The following ESRRB variants were observed in gnomAD, a reference collection of about 807,000 sequenced individuals.
The protein encoded by ESRRB is estrogen related receptor beta.
ESRRB carries 16 observed loss-of-function variants against 46.0 expected under a neutral mutation model. That is an observed-to-expected ratio of 0.35 (90% CI 0.24 to 0.53). The LOEUF is 0.53. Ranked by LOEUF, ESRRB falls within the 20% of genes least tolerant of loss-of-function variation. ESRRB has a pLI of 0.93. For synonymous variants in ESRRB, 246 were observed against 259.6 expected, an observed-to-expected ratio of 0.95 and a Z score of 0.50; for missense variants, 488 against 607.4, an observed-to-expected ratio of 0.80 and a Z score of 2.07.
At chr14:76,395,172 T>C (rs567518311) in intron 1 of ESRRB, among the ~76,000 whole-genome samples, 5 of 152,340 alleles carry the variant, frequency 3.3e-5, no homozygotes, top group African/African-American at 1.2e-4. Context: ...TTAAGCCATG[T>C]GCACTATCTG....
intron 1 of ESRRB, among the ~76,000 whole-genome samples, chr14:76,321,695 G>A (rs1883868993): frequency 1.3e-5 from 2 of 152,068 alleles, no homozygotes. Context: ...TTTTTTGAGA[G>A]CCTGTTCTGT....
chr14:76,372,498 T>C (rs1884648748), upstream of ESRRB, among the ~76,000 whole-genome samples: 2 of 152,134 alleles, frequency 1.3e-5, no homozygotes, highest in Admixed American at 1.3e-4. Context: ...GTCATCATTT[T>C]TCTTAGGGAA....
In ESRRB at chr14:76,376,170, C is replaced by T. The variant is rs1884756148; in HGVS notation, c.-232C>T. On this transcript the variant is annotated 5_prime_UTR_variant, in exon 1 of 7. Transcript: ENST00000644823. The surrounding 1 kb of genome is among the most constrained non-coding windows in gnomAD (Gnocchi z 4.1). ...TGTGCCCCAGCCTCCTCCACGGCTT[C>T]GCATCCCCTCTGCCCGCTCTCTCCG... 5.1e-6 allele frequency: 2 copies of T among 389,646 alleles called. No individual in the cohort carries two copies. The highest frequency in any genetic ancestry group is 1.4e-4 in the South Asian group (1 of 6,916). 24.1% of individuals were successfully genotyped at this position (389,646 alleles called of 1,614,324 possible).
chr14:76,397,813 G>T (rs146145146), intron 1 of ESRRB, among the ~76,000 whole-genome samples: 1 of 152,174 alleles, frequency 6.6e-6, no homozygotes, highest in Non-Finnish European at 1.5e-5. Flanking sequence ...ATAACCTCGA[G>T]GTTTGATACT....
chr14:76,418,151 C>T (rs970179873), intron 1 of ESRRB, among the ~76,000 whole-genome samples: 1 of 151,982 alleles, frequency 6.6e-6, no homozygotes, highest in Non-Finnish European at 1.5e-5. Context: ...GACAGGGTTT[C>T]ACCATGTTTG....
intron 1 of ESRRB, among the ~76,000 whole-genome samples, chr14:76,386,404 T>C (rs980186545): frequency 6.6e-6 from 1 of 152,166 alleles, no homozygotes; most frequent in Non-Finnish European, 1.5e-5. Flanking sequence ...TCTTATTTTT[T>C]TTCTGCTTTT....
At chr14:76,341,150 G>A (rs1198252066) in intron 1 of ESRRB, among the ~76,000 whole-genome samples, 1 of 152,176 alleles carries the variant, frequency 6.6e-6, no homozygotes, top group Admixed American at 6.5e-5. Flanking sequence ...TTCATGGACT[G>A]AGTCTCCTCC....
rs566408439 is a variant in ESRRB at position 76,354,235 on chromosome 14, C to CCCCA, written c.2+43319_2+43320insCCCA. On this transcript the variant is annotated intron_variant, in intron 1 of 6. Coordinates refer to the ESRRB transcript ENST00000512784. ...AGGGTCCTCTACCCGCCCCCCCCCC[C>CCCCA]ACCCACACTTCCACCCTCACCTCTC... 8.1e-5 allele frequency among the ~76,000 whole-genome samples: 7 copies of CCCCA among 86,028 alleles called. 1 individual carries two copies. The East Asian group carries it at 4.4e-3, about 54-fold the overall frequency. The allele number at this position is 86,028 out of a possible 152,430, so 56.4% of individuals were successfully genotyped here.
At chr14:76,448,615 C>T (rs767340305) in intron 2 of ESRRB, among the ~76,000 whole-genome samples, 2 of 151,924 alleles carry the variant, frequency 1.3e-5, no homozygotes, top group African/African-American at 2.4e-5. Flanking sequence ...GGATTACAGA[C>T]GTGAGCCACC....
chr14:76,429,249 G>A (rs571502752), intron 1 of ESRRB, among the ~76,000 whole-genome samples: 2 of 152,274 alleles, frequency 1.3e-5, no homozygotes, highest in South Asian at 2.1e-4. Context: ...GTAAGTTTGA[G>A]CAAGTCATTA....
upstream of ESRRB, among the ~76,000 whole-genome samples, chr14:76,370,225 T>TAAAAA (rs35273827): frequency 2.1e-5 from 3 of 140,162 alleles, no homozygotes; most frequent in African/African-American, 8.0e-5. Flanking sequence ...CCATCCCTGC[T>TAAAAA]AAAAAAAAAA....
At chr14:76,393,876 C>T (rs1263915481) in intron 1 of ESRRB, among the ~76,000 whole-genome samples, 1 of 152,096 alleles carries the variant, frequency 6.6e-6, no homozygotes, top group Non-Finnish European at 1.5e-5. Flanking sequence ...GCTCAGCACA[C>T]TGCAAACTTC....
chr14:76,439,103 C>T (rs1320316055), intron 1 of ESRRB, among the ~76,000 whole-genome samples: 5 of 152,164 alleles, frequency 3.3e-5, no homozygotes, highest in African/African-American at 7.2e-5. Context: ...ACACCTGGTC[C>T]GCTGAAGTTT....
rs72731655 is a variant in ESRRB at position 76,435,934 on chromosome 14, G to A, written c.51-3407G>A. Among the ~76,000 whole-genome samples, 664 of 152,244 alleles carry A rather than the reference G, an allele frequency of 4.4e-3. 1 individual carries two copies. Among genetic ancestry groups the A allele is most frequent in the Middle Eastern group, 0.017 (5 of 294 alleles). The stretch of plus-strand genomic sequence containing the variant: ...GGGACTCAGGCTCTAAATTAATAGC[G>A]GGCTTCCTGTACCAACCCTGATAGT... On this transcript the variant is annotated intron_variant, in intron 1 of 6. Coordinates refer to ENST00000644823, the MANE Select transcript of ESRRB (RefSeq NM_001379180.1).
chr14:76,332,720 TA>T lies in ESRRB; in HGVS notation c.2+21805del, dbSNP rs1310819923. Among the ~76,000 whole-genome samples the T allele has an allele frequency of 2.3e-3, 53 of 23,060 alleles. 1 individual carries two copies. The highest frequency in any genetic ancestry group is 0.012 in the African/African-American group (53 of 4,522). The allele number at this position is 23,060 out of a possible 152,430, so 15.1% of individuals were successfully genotyped here. A position where few individuals can be genotyped will look rare whatever the true frequency, so the allele number is the denominator to read the frequency against. On this transcript the variant is annotated intron_variant, in intron 1 of 6. Transcript: ENST00000512784. ...TTATATATTATATATATTTATATATTATATATATTTATATATTATATATTTA... is the reference window on the plus strand; with the variant it reads ...TTATATATTATATATATTTATATATTTATATATTTATATATTATATATTTA...
At chr14:76,471,274 G>A (rs56911706) in intron 3 of ESRRB, among the ~76,000 whole-genome samples, 3,108 of 152,230 alleles carry the variant, frequency 0.02, 53 homozygotes, top group African/African-American at 0.035. Context: ...GACCACTGTG[G>A]CAGTTTCCTA....
chr14:76,427,780 AGATGAATACTAC>A (rs1408388239), intron 1 of ESRRB, among the ~76,000 whole-genome samples: 1 of 152,180 alleles, frequency 6.6e-6, no homozygotes. Context: ...CCATCTTGTG[AGATGAATACTAC>A]GATGAATACT....
intron 3 of ESRRB, chr14:76,463,445 G>GTTTTTTTTATTTTTTTTT (rs1362309981): frequency 8.7e-6 from 1 of 114,738 alleles, no homozygotes; most frequent in African/African-American, 3.7e-5. Context: ...ATGCTTCTTT[G>GTTTTTTTTATTTTTTTTT]TTTTTTTTTT....
rs574240908 is a variant in ESRRB, at chr14:76,424,285, G to A, written c.51-15056G>A. Among the ~76,000 whole-genome samples, 41 of 152,296 alleles carry A rather than the reference G, an allele frequency of 2.7e-4. 1 individual carries two copies. Among genetic ancestry groups the A allele is most frequent in the South Asian group, 2.1e-3 (10 of 4,828 alleles). ...GGCCAGTCTCCATCTGTCCACCTGAGTTAAGATGCCTCTTTGTCATCTGCC... is the reference window on the plus strand; with the variant it reads ...GGCCAGTCTCCATCTGTCCACCTGAATTAAGATGCCTCTTTGTCATCTGCC... On this transcript the variant is annotated intron_variant, in intron 1 of 6. Coordinates refer to ENST00000644823, the MANE Select transcript of ESRRB (RefSeq NM_001379180.1).
Sources: gnomAD v4.1 joint callset for allele counts (sites outside exome capture counted in the v4.1 genomes callset) on GRCh38, gnomAD v4.1.1 for gene constraint, Gnocchi (gnomAD v3.1) non-coding constraint, MANE v1.5 for transcripts, NCBI Gene and HGNC (gene_info 2026-07-23, HGNC 2026-07-21) for gene names.